Variants in CSTF3 observed in about 807,000 individuals in gnomAD.
CSTF3 encodes the protein CF-1 77 kDa subunit.
A neutral mutation model predicts 105.8 loss-of-function variants in CSTF3; 29 were observed. The observed-to-expected ratio is 0.27, with a 90% confidence interval of 0.20 to 0.37. The LOEUF (loss-of-function observed/expected upper bound fraction) is 0.37. CSTF3 is among the 10% of genes least tolerant of loss of function. The pLI is 1.00. For synonymous variants in CSTF3, 252 were observed against 281.9 expected (o/e 0.89, Z 1.06); for missense variants, 357 against 879.3 (o/e 0.41, Z 7.51).
At chr11:33,106,098 T>A (rs1367005324) in intron 5 of CSTF3, 34 bp from the exon 6 acceptor site, 1 of 1,548,474 alleles carries the variant, frequency 6.5e-7, no homozygotes, top group Non-Finnish European at 8.9e-7. Flanking sequence ...GTTTTTAAAT[T>A]TTTTTGTTAT....
chr11:33,143,616 G>C (rs1255465133), intron 1 of CSTF3, among the ~76,000 whole-genome samples: 2 of 152,132 alleles, frequency 1.3e-5, no homozygotes, highest in East Asian at 1.9e-4. Context: ...TGGGCGTGGT[G>C]GTGTGTGCCT....
At chr11:33,121,381 AC>A (rs899401239) in intron 3 of CSTF3, among the ~76,000 whole-genome samples, 2 of 152,272 alleles carry the variant, frequency 1.3e-5, no homozygotes, top group South Asian at 4.1e-4. Context: ...AGATTTTAAA[AC>A]TTTTTCCTAA....
chr11:33,138,441 T>C lies in CSTF3; in HGVS notation c.225+3226A>G, dbSNP rs1433669095. Among the ~76,000 whole-genome samples, 3 of 151,858 alleles carry C rather than the reference T, an allele frequency of 2.0e-5. No individual in the cohort carries two copies. The East Asian group carries it at 5.8e-4, about 29-fold the overall frequency. ...AATTTTGTGATTATTTAGTGACCTT[T>C]TTGATCATTGTAAAAAGTAGTTCTT... On this transcript the variant is annotated intron_variant, in intron 3 of 20. Transcript: ENST00000323959.
At chr11:33,096,509 GAATT>G (rs999748456) in intron 14 of CSTF3, 101 bp from the exon 15 acceptor site, 45 of 750,184 alleles carry the variant, frequency 6.0e-5, no homozygotes, top group Non-Finnish European at 9.6e-5. Flanking sequence ...AAATATGTAA[GAATT>G]AAAACAAATT....
chr11:33,089,785 T>C (rs796359960), intron 17 of CSTF3, among the ~76,000 whole-genome samples: 16 of 152,340 alleles, frequency 1.1e-4, no homozygotes, highest in African/African-American at 3.6e-4. Context: ...CTAATGGTGG[T>C]TGGCTTAAAG....
In CSTF3 at chr11:33,149,782, G is replaced by A. The variant is rs1304842679; in HGVS notation, c.28-7796C>T. On this transcript the variant is annotated intron_variant, in intron 1 of 20. Transcript: ENST00000323959. ...GCCTGTAATCACAGCACTTTGGGAG[G>A]CCGAGGCAGGTGGATCACCTGAGGT... 3.9e-5 allele frequency among the ~76,000 whole-genome samples: 6 copies of A among 152,288 alleles called. No individual in the cohort carries two copies. The South Asian group carries it at 8.3e-4, about 21-fold the overall frequency.
intron 1 of CSTF3, among the ~76,000 whole-genome samples, chr11:33,150,260 C>T (rs75649744): frequency 7.7e-6 from 1 of 129,766 alleles, no homozygotes; most frequent in Non-Finnish European, 1.7e-5. Context: ...GAAAAGAAAA[C>T]AGGGCAAGTT....
intron 13 of CSTF3, 50 bp from the exon 14 acceptor site, chr11:33,097,028 T>A (rs769559981): frequency 1.4e-6 from 2 of 1,383,118 alleles, no homozygotes; most frequent in Non-Finnish European, 2.0e-6. Context: ...GTATGTTTCC[T>A]GCATAAGAAA....
At position 33,085,014 on chromosome 11, in the gene CSTF3, T is replaced by C. The variant is rs776102394; in HGVS notation, c.*73A>G. ...TTCCAAGAACCTTGTAACAAAGCGT[T>C]GTCTCTTTTAAACATACCACTTGAG... On this transcript the variant is annotated 3_prime_UTR_variant, in exon 21 of 21. Transcript: ENST00000323959. The C allele has an allele frequency of 6.7e-7, 1 of 1,492,672 alleles. No homozygotes were observed. Among genetic ancestry groups the C allele is most frequent in the East Asian group, 2.3e-5 (1 of 44,356 alleles). The allele number at this position is 1,492,672 out of a possible 1,614,324, so 92.5% of individuals were successfully genotyped here.
chr11:33,119,862 A>C (rs1449248173), intron 3 of CSTF3, among the ~76,000 whole-genome samples: 1 of 151,892 alleles, frequency 6.6e-6, no homozygotes, highest in East Asian at 1.9e-4. Flanking sequence ...CCTAATTCCA[A>C]GTTCCTTTTT....
At chr11:33,107,633 T>C (rs1043713118) in intron 5 of CSTF3, among the ~76,000 whole-genome samples, 1 of 97,646 alleles carries the variant, frequency 1.0e-5, no homozygotes, top group Non-Finnish European at 2.8e-5. Context: ...TGAAAAAATT[T>C]GACAAGTCTG....
intron 8 of CSTF3, among the ~76,000 whole-genome samples, chr11:33,105,288 A>G (rs1375505838): frequency 2.6e-5 from 4 of 152,264 alleles, no homozygotes; most frequent in African/African-American, 9.6e-5. Context: ...GTACTGTTTT[A>G]TAGGTCAATG....
intron 3 of CSTF3, among the ~76,000 whole-genome samples, chr11:33,111,202 C>T (rs1855376242): frequency 6.6e-6 from 1 of 152,108 alleles, no homozygotes; most frequent in South Asian, 2.1e-4. Context: ...TGCACTCCAG[C>T]CCAGGCAAGA....
At position 33,115,812 on chromosome 11, in the gene CSTF3, A is replaced by G. The variant is rs947404199; in HGVS notation, c.226-7394T>C. 2.6e-5 allele frequency among the ~76,000 whole-genome samples: 4 copies of G among 152,148 alleles called. No homozygotes were observed. In the South Asian group the frequency reaches 8.3e-4, roughly 32 times the overall value. On this transcript the variant is annotated intron_variant, in intron 3 of 20. Coordinates refer to ENST00000323959, the MANE Select transcript of CSTF3 (RefSeq NM_001326.3). ...ATATAAATGCCAGGTGTAGTAGTTC[A>G]TGCCTATATCTCAGCATTTTGGGAG...
At position 33,121,076 on chromosome 11, in the gene CSTF3, C is replaced by G. The variant is rs11032148; in HGVS notation, c.226-12658G>C. 1.1e-3 allele frequency among the ~76,000 whole-genome samples: 164 copies of G among 152,030 alleles called. No individual in the cohort carries two copies. In the East Asian group the frequency reaches 0.026, roughly 24 times the overall value. On this transcript the variant is annotated intron_variant, in intron 3 of 20. Transcript: ENST00000323959. ...ATCAATTCCATTTTCCATTACTTTT[C>G]TTGAATGAAAACATGATTTCTATTT...
intron 15 of CSTF3, among the ~76,000 whole-genome samples, chr11:33,095,690 G>A (rs1413054971): frequency 3.3e-5 from 5 of 151,174 alleles, no homozygotes; most frequent in East Asian, 1.9e-4. Context: ...GCGAGGTGGC[G>A]GGCGCCTGTA....
intron 15 of CSTF3, among the ~76,000 whole-genome samples, chr11:33,094,030 C>T (rs1855194964): frequency 6.6e-6 from 1 of 152,152 alleles, no homozygotes; most frequent in South Asian, 2.1e-4. Context: ...TTCAAGTGCT[C>T]AATACCTAAT....
chr11:33,155,584 C>G (rs945812714), intron 1 of CSTF3, among the ~76,000 whole-genome samples: 1 of 152,110 alleles, frequency 6.6e-6, no homozygotes, highest in East Asian at 1.9e-4. Context: ...ACTAAATAAA[C>G]TAAGTCAAAC....
At chr11:33,125,062 C>G (rs1372533684) in intron 3 of CSTF3, among the ~76,000 whole-genome samples, 2 of 152,180 alleles carry the variant, frequency 1.3e-5, no homozygotes, top group African/African-American at 4.8e-5. Flanking sequence ...TTCAATCATT[C>G]TGGAAATTTC....
Sources: allele counts gnomAD v4.1 joint callset (sites outside exome capture counted in the v4.1 genomes callset), GRCh38; gene constraint gnomAD v4.1.1; transcripts MANE v1.5; gene names NCBI Gene and HGNC (gene_info 2026-07-23, HGNC 2026-07-21).